CYP24A1: variants seen among roughly 807,000 people sequenced by gnomAD.
CYP24A1 encodes 1,25-dihydroxyvitamin D(3) 24-hydroxylase, mitochondrial.
In CYP24A1, 68 loss-of-function variants were observed where a neutral mutation model predicts 62.4. The observed-to-expected ratio is 1.09, with a 90% confidence interval of 0.90 to 1.33. The LOEUF is 1.33. Among genes scored for constraint, CYP24A1 ranks in the 40% most tolerant of loss-of-function variants. The pLI, the probability that CYP24A1 is intolerant of heterozygous loss-of-function variation, is 0.00. For missense variants in CYP24A1, 787 were observed against 653.0 expected, an observed-to-expected ratio of 1.21 and a Z score of -2.24; for synonymous variants, 267 against 253.0, an observed-to-expected ratio of 1.06 and a Z score of -0.52.
chr20:54,158,841 T>A, intron 8 of CYP24A1, 116 bp downstream of exon 8: 1 of 1,560,300 alleles, frequency 6.4e-7, no homozygotes, highest in Non-Finnish European at 8.7e-7. Flanking sequence ...TTTTGCAGTG[T>A]GATAATTGTT....
chr20:54,167,218 T>C (rs963190103), intron 4 of CYP24A1, among the ~76,000 whole-genome samples: 3 of 152,226 alleles, frequency 2.0e-5, no homozygotes, highest in Non-Finnish European at 4.4e-5. Context: ...ACTACCTCCA[T>C]GTTTTCCAAA....
chr20:54,147,058 G>A, the CYP24A1 span, among the ~76,000 whole-genome samples: 1 of 152,276 alleles, frequency 6.6e-6, no homozygotes, highest in Admixed American at 6.5e-5. Context: ...ACCCATTTAG[G>A]TTCTTTGAGC....
chr20:54,168,849 T>TCCTTCCTC (rs2092683141), intron 4 of CYP24A1, among the ~76,000 whole-genome samples: 1 of 31,732 alleles, frequency 3.2e-5, no homozygotes, highest in African/African-American at 1.4e-4. Context: ...CCTCCCTTCT[T>TCCTTCCTC]CCTTCCTTCC....
At chr20:54,157,633 C>CTGG (rs2092634270) in intron 9 of CYP24A1, 48 bp from the exon 10 acceptor site, 1 of 1,073,736 alleles carries the variant, frequency 9.3e-7, no homozygotes, top group Non-Finnish European at 1.4e-6. Flanking sequence ...CAGAAGAGAC[C>CTGG]TTTGAATGGC....
chr20:54,149,841 A>G (rs1284470850), downstream of CYP24A1, among the ~76,000 whole-genome samples: 1 of 152,218 alleles, frequency 6.6e-6, no homozygotes, highest in Admixed American at 6.5e-5. Flanking sequence ...TTTCTCATGC[A>G]CATCTCAAAA....
rs6022990 is a variant in CYP24A1 at position 54,158,993 on chromosome 20, A to G, written c.1121T>C (p.Met374Thr). Residue 374 changes from methionine to threonine, a missense_variant, in exon 8 of 12, where the codon ATG becomes ACG. Transcript: ENST00000216862. ...QVPRAEDLRN[M>T]PYLKACLKES... ...TTTCAGACAGGCTTTTAAATACGGC[A>G]TATTCCTCAAATCTTCTGCCCGTGG... The G allele has an allele frequency of 4.9e-3, 7,946 of 1,614,156 alleles. 338 individuals are homozygous for G. In the African/African-American group the frequency reaches 0.093, roughly 19 times the overall value.
chr20:54,165,839 A>G lies in CYP24A1; in HGVS notation c.641-6T>C. 1 of 1,241,860 alleles carries G rather than the reference A, an allele frequency of 8.1e-7. No individual in the cohort carries two copies. Among genetic ancestry groups the G allele is most frequent in the Non-Finnish European group, 1.2e-6 (1 of 839,722 alleles). 76.9% of individuals were successfully genotyped at this position (1,241,860 alleles called of 1,614,324 possible). A position where few individuals can be genotyped will look rare whatever the true frequency, so the allele number is the denominator to read the frequency against. On this transcript the variant is annotated splice_region_variant and splice_polypyrimidine_tract_variant and intron_variant, in intron 4 of 11. Transcript: ENST00000216862. The stretch of plus-strand genomic sequence containing the variant: ...ATACAACACGAGGCAGATACCTGTC[A>G]TTTAAAATAATCATCACTTTACACA...
chr20:54,170,757 C>T (rs1399170047), intron 3 of CYP24A1, among the ~76,000 whole-genome samples: 2 of 152,052 alleles, frequency 1.3e-5, no homozygotes, highest in Non-Finnish European at 2.9e-5. Context: ...CTGGGTCTGC[C>T]TTATTATTTT....
the CYP24A1 span, among the ~76,000 whole-genome samples, chr20:54,147,428 G>A: frequency 6.6e-6 from 1 of 152,274 alleles, no homozygotes; most frequent in East Asian, 1.9e-4. Flanking sequence ...AAGAGTAGAG[G>A]CTGAGTCAGG....
chr20:54,155,954 C>A (rs1277135699), intron 11 of CYP24A1, among the ~76,000 whole-genome samples: 2 of 152,062 alleles, frequency 1.3e-5, no homozygotes, highest in East Asian at 3.9e-4. Context: ...ATAAATAGCA[C>A]CTGGTTGGTA....
chr20:54,149,632 G>A (rs183726030), downstream of CYP24A1, among the ~76,000 whole-genome samples: 2 of 152,310 alleles, frequency 1.3e-5, no homozygotes, highest in Admixed American at 6.5e-5. Context: ...CTCCCCCGGA[G>A]AGTAGGAATT....
chr20:54,171,819 T>A, intron 2 of CYP24A1, 149 bp from the exon 3 acceptor site: 1 of 1,518,746 alleles, frequency 6.6e-7, no homozygotes, highest in South Asian at 1.2e-5. Flanking sequence ...AGCATCAGAA[T>A]ATTTGGGATA....
intron 4 of CYP24A1, among the ~76,000 whole-genome samples, chr20:54,167,400 C>G (rs1481366356): frequency 1.3e-5 from 2 of 152,196 alleles, no homozygotes; most frequent in Non-Finnish European, 2.9e-5. Context: ...CCAGCACTCT[C>G]AGAGGTGGAG....
chr20:54,162,545 T>G, intron 7 of CYP24A1, 172 bp downstream of exon 7: 1 of 638,456 alleles, frequency 1.6e-6, no homozygotes, highest in Non-Finnish European at 2.8e-6. Context: ...CACCGTGGCA[T>G]AGATGCTGTG....
intron 4 of CYP24A1, among the ~76,000 whole-genome samples, chr20:54,166,769 C>T (rs1385487753): frequency 3.9e-5 from 6 of 152,022 alleles, no homozygotes; most frequent in Non-Finnish European, 8.8e-5. Context: ...TGGTGGTTCA[C>T]ACCTGTAATC....
the CYP24A1 span, among the ~76,000 whole-genome samples, chr20:54,147,670 ATT>A: frequency 6.6e-6 from 1 of 152,218 alleles, no homozygotes; most frequent in South Asian, 2.1e-4. Flanking sequence ...GTTTTAGTGC[ATT>A]GTTTCCATTG....
At chr20:54,169,555 T>G in intron 4 of CYP24A1, 37 bp downstream of exon 4, 1 of 1,613,780 alleles carries the variant, frequency 6.2e-7, no homozygotes, top group South Asian at 1.1e-5. Flanking sequence ...CAAAATCACC[T>G]GCAAAATCAG....
At chr20:54,147,231 T>C in the CYP24A1 span, among the ~76,000 whole-genome samples, 2 of 152,184 alleles carry the variant, frequency 1.3e-5, no homozygotes, top group African/African-American at 4.8e-5. Context: ...ATGGGAGAAA[T>C]TGTTGGGACA....
chr20:54,158,721 G>C (rs2146467804), intron 8 of CYP24A1, among the ~76,000 whole-genome samples: 1 of 152,258 alleles, frequency 6.6e-6, no homozygotes, highest in East Asian at 1.9e-4. Flanking sequence ...CATTAGAGTA[G>C]CAAGATTATT....
Sources: gnomAD v4.1 joint callset for allele counts (sites outside exome capture counted in the v4.1 genomes callset) on GRCh38, gnomAD v4.1.1 for gene constraint, MANE v1.5 for transcripts, NCBI Gene and HGNC (gene_info 2026-07-23, HGNC 2026-07-21) for gene names.